The following USP33 variants were observed in gnomAD, a reference collection of about 807,000 sequenced individuals.
USP33 encodes the protein ubiquitin specific peptidase 33, also known as ubiquitin carboxyl-terminal hydrolase 33.
Under a neutral mutation model 124.2 loss-of-function variants are expected in USP33, and 46 were observed. That is an observed-to-expected ratio of 0.37 (90% confidence interval 0.29 to 0.47). The LOEUF is 0.47. USP33 is among the 20% of genes least tolerant of loss of function. USP33 has a pLI of 0.99. For missense variants in USP33, 851 were observed against 1,070.6 expected, an observed-to-expected ratio of 0.79 and a Z score of 2.86; for synonymous variants, 350 against 352.3, an observed-to-expected ratio of 0.99 and a Z score of 0.07.
intron 17 of USP33, among the ~76,000 whole-genome samples, 168 bp from the exon 18 acceptor site, chr1:77,716,036 A>G (rs1311651515): frequency 2.6e-5 from 4 of 152,018 alleles, no homozygotes; most frequent in Non-Finnish European, 5.9e-5. Context: ...TCATCACCTG[A>G]CGACAGAACA....
intron 2 of USP33, 72 bp downstream of exon 2, chr1:77,741,545 G>C (rs1005729028): frequency 6.5e-7 from 1 of 1,543,306 alleles, no homozygotes; most frequent in Admixed American, 2.1e-5. Context: ...GAGTATTACA[G>C]TAATTTATGA....
chr1:77,738,441 T>C (rs1296148057), intron 5 of USP33, among the ~76,000 whole-genome samples: 1 of 152,172 alleles, frequency 6.6e-6, no homozygotes, highest in Non-Finnish European at 1.5e-5. Flanking sequence ...AGCAAACCCA[T>C]GTGTTTTCTA....
Position 77,728,356 on chromosome 1 carries a change from A to G in USP33, c.1074T>C (p.Ser358=), listed in dbSNP as rs1677397180. 6.2e-7 allele frequency: 1 copy of G among 1,611,348 alleles called. No individual in the cohort carries two copies. Among genetic ancestry groups the G allele is most frequent in the African/African-American group, 1.3e-5 (1 of 74,652 alleles). ...GEFDKDRDSI[S]ETVDLNNQET... is the part of the protein sequence containing the mutation. ...CCTGGTTGTTTAAGTCGACTGTTTC[A>G]GATATAGAGTCTCTATCTTTATCAA... The change falls in exon 10 of 24, where the codon TCT becomes TCC. Residue 358 remains serine (S), a synonymous_variant. Coordinates refer to ENST00000370794, the MANE Select transcript of USP33 (RefSeq NM_201624.3).
rs904419988 is a variant in USP33, at chr1:77,759,696, C to T, written c.-105G>A. 5.0e-6 allele frequency: 2 copies of T among 399,008 alleles called. No individual in the cohort carries two copies. Among genetic ancestry groups the T allele is most frequent in the Admixed American group, 4.4e-5 (1 of 22,734 alleles). 24.7% of individuals were successfully genotyped at this position (399,008 alleles called of 1,614,324 possible). A position where few individuals can be genotyped will look rare whatever the true frequency, so the allele number is the denominator to read the frequency against. On this transcript the variant is annotated 5_prime_UTR_variant, in exon 1 of 24. Transcript: ENST00000370794. ...AGCTCGACCAACAACGGCCTGCAGC[C>T]GCACCTCCGCAAGCTCCTCTTTTCC...
intron 9 of USP33, 130 bp downstream of exon 9, chr1:77,729,730 G>T (rs2101466545): frequency 1.3e-6 from 1 of 778,404 alleles, no homozygotes; most frequent in East Asian, 2.5e-5. Context: ...ATGAAAAAGG[G>T]TTACTATTCT....
chr1:77,722,794 T>C lies in USP33; in HGVS notation c.1389+537A>G, dbSNP rs74327501. Among the ~76,000 whole-genome samples, 611 of 152,322 alleles carry C rather than the reference T, an allele frequency of 4.0e-3. 4 individuals are homozygous for C. Among genetic ancestry groups the C allele is most frequent in the African/African-American group, 0.014 (569 of 41,574 alleles). On this transcript the variant is annotated intron_variant, in intron 12 of 23. Transcript: ENST00000370794. Reference sequence around the variant, plus strand: ...TCATTGCACTAAAGTAAAACTGTACTTAAGAAAAGCTCAAAGAAACTTTGA... The same window carrying C: ...TCATTGCACTAAAGTAAAACTGTACCTAAGAAAAGCTCAAAGAAACTTTGA...
intron 15 of USP33, chr1:77,720,387 C>T (rs1676449929): frequency 1.0e-6 from 1 of 985,362 alleles, no homozygotes; most frequent in African/African-American, 1.7e-5. Context: ...ACTTCCTTTT[C>T]AGCAGTCAGC....
chr1:77,750,723 CA>C (rs1453153371), intron 1 of USP33, among the ~76,000 whole-genome samples: 2 of 152,154 alleles, frequency 1.3e-5, no homozygotes, highest in African/African-American at 2.4e-5. Flanking sequence ...CAAAGGCTAA[CA>C]ATTTGTCCCA....
At chr1:77,709,667 T>C (rs1284151368) in intron 21 of USP33, among the ~76,000 whole-genome samples, 1 of 151,540 alleles carries the variant, frequency 6.6e-6, no homozygotes, top group Non-Finnish European at 1.5e-5. Flanking sequence ...GATCTATATA[T>C]ATATATGTCT....
At chr1:77,731,754 C>T (rs747551048) in intron 7 of USP33, among the ~76,000 whole-genome samples, 12 of 151,912 alleles carry the variant, frequency 7.9e-5, no homozygotes, top group Non-Finnish European at 1.5e-4. Context: ...CAGTATTGTG[C>T]AGTAATAAAC....
intron 8 of USP33, among the ~76,000 whole-genome samples, 175 bp from the exon 9 acceptor site, chr1:77,730,113 A>G (rs771320278): frequency 1.3e-5 from 2 of 152,190 alleles, no homozygotes; most frequent in Non-Finnish European, 2.9e-5. Flanking sequence ...TATCCTTGAT[A>G]TTTTAAGTGA....
In USP33 at chr1:77,736,141, A is replaced by G. The variant is rs767668533; in HGVS notation, c.369T>C (p.Ser123=). 2 of 1,610,868 alleles carry G rather than the reference A, an allele frequency of 1.2e-6. No individual in the cohort carries two copies. The highest frequency in any genetic ancestry group is 1.7e-6 in the Non-Finnish European group (2 of 1,178,304). Residue 123 remains serine, a synonymous_variant, in exon 6 of 24, where the codon AGT becomes AGC. Coordinates refer to ENST00000370794, the MANE Select transcript of USP33 (RefSeq NM_201624.3). ...ENSVQDFKIP[S]NTTLKTPLVA... ...CCAGAGGAGTTTTTAATGTTGTATT[A>G]CTGGGTATTTTAAAATCCTTGATAA...
intron 7 of USP33, among the ~76,000 whole-genome samples, chr1:77,732,182 C>T (rs907020594): frequency 1.3e-5 from 2 of 151,358 alleles, no homozygotes; most frequent in African/African-American, 4.9e-5. Flanking sequence ...ATTTAAACTT[C>T]TGTGTCTGGT....
At chr1:77,711,571 C>G (rs920467991) in intron 21 of USP33, 176 bp downstream of exon 21, 1 of 960,252 alleles carries the variant, frequency 1.0e-6, no homozygotes, top group Non-Finnish European at 1.5e-6. Context: ...AAAGGGAGAA[C>G]ATAACTCAAC....
At chr1:77,735,489 CTT>C in intron 6 of USP33, among the ~76,000 whole-genome samples, 1 of 152,210 alleles carries the variant, frequency 6.6e-6, no homozygotes, top group Admixed American at 6.5e-5. Flanking sequence ...ATATTTATAA[CTT>C]ATCTCTAGTC....
chr1:77,751,432 T>G (rs1570873335), intron 1 of USP33, among the ~76,000 whole-genome samples: 1 of 152,014 alleles, frequency 6.6e-6, no homozygotes, highest in African/African-American at 2.4e-5. Flanking sequence ...GCGGGAGGAC[T>G]GCTTGAACCC....
chr1:77,748,787 C>CT lies in USP33; in HGVS notation c.-51-7040_-51-7039insA, dbSNP rs200155846. On this transcript the variant is annotated intron_variant, in intron 1 of 23. Transcript: ENST00000370794. ...TGGCAGCATTCCTTCCCTCCCCCCCCCCCCCGTGCTTGAATCAGGATTGGC... is the reference window on the plus strand; with the variant it reads ...TGGCAGCATTCCTTCCCTCCCCCCCCTCCCCCGTGCTTGAATCAGGATTGGC... 9.4e-4 allele frequency among the ~76,000 whole-genome samples: 111 copies of CT among 118,648 alleles called. 6 individuals carry two copies. The Middle Eastern group carries it at 0.02, about 21-fold the overall frequency. 77.8% of individuals were successfully genotyped at this position (118,648 alleles called of 152,430 possible).
At chr1:77,712,353 G>A (rs1675354328) in intron 20 of USP33, among the ~76,000 whole-genome samples, 1 of 152,150 alleles carries the variant, frequency 6.6e-6, no homozygotes, top group African/African-American at 2.4e-5. Flanking sequence ...GTGAAACCCC[G>A]TCTCTATTAA....
At position 77,728,310 on chromosome 1, in the gene USP33, G is replaced by A. The variant is rs374478790; in HGVS notation, c.1120C>T (p.His374Tyr). 3.1e-6 allele frequency: 5 copies of A among 1,597,612 alleles called. No homozygotes were observed. The highest frequency in any genetic ancestry group is 3.5e-5 in the Admixed American group (2 of 56,812). ...NNQETVKVQI[H>Y]SRASEYITDV... Reference sequence around the variant, plus strand: ...AAATTGTCACCTGAAGCTCTGCTGTGTATTTGCACTTTGACAGTTTCCTGG... The same window carrying A: ...AAATTGTCACCTGAAGCTCTGCTGTATATTTGCACTTTGACAGTTTCCTGG... Residue 374 changes from histidine (H) to tyrosine (Y), a missense_variant, in exon 10 of 24, where the codon CAC (histidine) becomes TAC (tyrosine). Physicochemically the swap from His to Tyr is moderately conservative, Grantham distance 83. Around this residue, in one of 4 missense-constraint regions of USP33, gnomAD observed 207 missense variants for 200.9 expected, o/e 1.03. Transcript: ENST00000370794.
Sources: allele counts gnomAD v4.1 joint callset (sites outside exome capture counted in the v4.1 genomes callset), GRCh38; gene constraint gnomAD v4.1.1; regional missense constraint gnomAD v4.1.1; transcripts MANE v1.5; gene names NCBI Gene and HGNC (gene_info 2026-07-23, HGNC 2026-07-21).